TAF1D: variants seen among roughly 807,000 people sequenced by gnomAD.
TAF1D encodes TATA-box binding protein associated factor, RNA polymerase I subunit D.
Under a neutral mutation model 26.2 loss-of-function variants are expected in TAF1D, and 23 were observed. That is an observed-to-expected ratio of 0.88 (90% CI 0.63 to 1.25). The LOEUF is 1.25. Among genes scored for constraint, TAF1D ranks in the 50% most tolerant of loss-of-function variants. The probability of loss-of-function intolerance (pLI) is 0.00; values close to 1 mark genes in which losing one functional copy is unlikely to be tolerated. For synonymous variants in TAF1D, 100 were observed against 105.6 expected (o/e 0.95, Z 0.33); for missense variants, 299 against 322.0 (o/e 0.93, Z 0.55).
exon 12 of TAF1D, chr11:93,730,547 A>C: frequency 3.1e-6 from 2 of 642,488 alleles, no homozygotes; most frequent in Non-Finnish European, 2.9e-6. Flanking sequence ...AGCACCAAAC[A>C]TTAGGAGTGC....
At chr11:93,730,630 CCT>C, downstream of TAF1D, 1 of 556,968 alleles carries the variant, frequency 1.8e-6, no homozygotes, top group Middle Eastern at 5.6e-4. Flanking sequence ...CCTCATAAGC[CCT>C]CTTTGAAATG....
In TAF1D at chr11:93,735,667, T is replaced by TA. The variant is rs976394452; in HGVS notation, c.*493dup. On this transcript the variant is annotated 3_prime_UTR_variant, in exon 6 of 6. Coordinates refer to ENST00000448108, the MANE Select transcript of TAF1D (RefSeq NM_024116.4). The stretch of plus-strand genomic sequence containing the variant: ...CTGGGTGACAGATCGAGACTCTGTC[T>TA]AAAAAAAATAGTATTAAAGATACTC... The TA allele has an allele frequency of 1.4e-5, 14 of 996,040 alleles. No individual in the cohort carries two copies. Among genetic ancestry groups the TA allele is most frequent in the East Asian group, 1.1e-4 (1 of 9,068 alleles). 61.7% of individuals were successfully genotyped at this position (996,040 alleles called of 1,614,324 possible). A position where few individuals can be genotyped will look rare whatever the true frequency, so the allele number is the denominator to read the frequency against.
downstream of TAF1D, chr11:93,731,070 A>C: frequency 1.9e-6 from 1 of 518,918 alleles, no homozygotes; most frequent in Non-Finnish European, 3.8e-6. Flanking sequence ...CAAATGAGAA[A>C]CTGCATTCTA....
chr11:93,739,971 A>G (rs1941516347), intron 1 of TAF1D, among the ~76,000 whole-genome samples: 1 of 150,642 alleles, frequency 6.6e-6, no homozygotes. Context: ...CAAAAAAAAA[A>G]AAAAAAAAAA....
At chr11:93,739,961 C>CAAAAAAAAAAAAAA (rs67574108) in intron 1 of TAF1D, among the ~76,000 whole-genome samples, 1 of 82,408 alleles carries the variant, frequency 1.2e-5, no homozygotes, top group Non-Finnish European at 2.2e-5. Flanking sequence ...TACAACATAC[C>CAAAAAAAAAAAAAA]AAAAAAAAAA....
At chr11:93,739,529 C>A (rs113194195) in intron 1 of TAF1D, among the ~76,000 whole-genome samples, 198 bp from the exon 2 acceptor site, 7 of 152,252 alleles carry the variant, frequency 4.6e-5, no homozygotes, top group African/African-American at 1.7e-4. Flanking sequence ...TCAGTTGTTA[C>A]CCTCTAAATG....
chr11:93,732,319 T>TTAGAG (rs1469278911), downstream of TAF1D: 2 of 515,032 alleles, frequency 3.9e-6, no homozygotes, highest in African/African-American at 3.9e-5. Context: ...GCTTACTATT[T>TTAGAG]TAGAGTATAT....
At position 93,737,144 on chromosome 11, in the gene TAF1D, A is replaced by G; in HGVS notation, c.555T>C (p.Asp185=). Residue 185 remains aspartate, a synonymous_variant, in exon 4 of 6, where the codon GAT becomes GAC. Transcript: ENST00000448108. ...GACTGTCAAAATCTTCATTTTCTAA[A>G]TCTTCACCAACATTCATTTGCTTCA... ...ESLKQMNVGE[D]LENEDFDSRR... The G allele has an allele frequency of 1.2e-6, 2 of 1,612,482 alleles. No homozygotes were observed. The highest frequency in any genetic ancestry group is 1.1e-5 in the South Asian group (1 of 90,724).
In TAF1D at chr11:93,735,938, G is replaced by T; in HGVS notation, c.*223C>A. 7.7e-7 allele frequency: 1 copy of T among 1,300,360 alleles called. No individual in the cohort carries two copies. Among genetic ancestry groups the T allele is most frequent in the Non-Finnish European group, 9.7e-7 (1 of 1,027,624 alleles). 80.6% of individuals were successfully genotyped at this position (1,300,360 alleles called of 1,614,324 possible). On this transcript the variant is annotated 3_prime_UTR_variant, in exon 6 of 6. Coordinates refer to ENST00000448108, the MANE Select transcript of TAF1D (RefSeq NM_024116.4). ...ATGACAATTTCTCAAATTTTTCTAT[G>T]TATTTTCTCTGGTGTTTTAATGGTT...
At chr11:93,739,961 C>CAAAAAAAAAAA (rs67574108) in intron 1 of TAF1D, among the ~76,000 whole-genome samples, 3 of 82,404 alleles carry the variant, frequency 3.6e-5, no homozygotes, top group African/African-American at 1.1e-4. Flanking sequence ...TACAACATAC[C>CAAAAAAAAAAA]AAAAAAAAAA....
chr11:93,735,343 T>C (rs971697360), downstream of TAF1D: 3 of 1,128,490 alleles, frequency 2.7e-6, no homozygotes, highest in Non-Finnish European at 1.1e-6. Context: ...GTTGAATAAA[T>C]GTGTATGCCT....
At chr11:93,730,702 TC>T (rs1938466433), downstream of TAF1D, 1 of 515,940 alleles carries the variant, frequency 1.9e-6, no homozygotes, top group African/African-American at 1.9e-5. Context: ...GATCCAGTTG[TC>T]CTGTCAGCCC....
chr11:93,739,765 T>C (rs1941426706), intron 1 of TAF1D, among the ~76,000 whole-genome samples: 1 of 152,010 alleles, frequency 6.6e-6, no homozygotes, highest in Admixed American at 6.6e-5. Context: ...CAATAAACCA[T>C]TTTAAACTCC....
downstream of TAF1D, chr11:93,734,987 C>T: frequency 8.4e-7 from 1 of 1,183,656 alleles, no homozygotes. Context: ...TGGTCTTGAA[C>T]TCCTGGTTTC....
chr11:93,740,744 G>A (rs1298969035), intron 1 of TAF1D, among the ~76,000 whole-genome samples: 1 of 152,068 alleles, frequency 6.6e-6, no homozygotes, highest in Non-Finnish European at 1.5e-5. Flanking sequence ...GCTCAAAAAC[G>A]GAATTCAACA....
chr11:93,738,261 C>T lies in TAF1D; in HGVS notation c.307G>A (p.Gly103Arg), dbSNP rs1941182215. ...CCTTCTGGTCTTCCCCGTGGTCTTC[C>T]TGTTGGCTGGTACCTCCTCTTTTTC... is the stretch of plus-strand genomic sequence containing the variant. ...KKKKRRYQPT[G>R]RPRGRPEGRR... is the part of the protein sequence containing the mutation. Residue 103 changes from glycine to arginine, a missense_variant, in exon 3 of 6, where the codon GGA becomes AGA. Transcript: ENST00000448108. 6.2e-7 allele frequency: 1 copy of T among 1,612,504 alleles called. No homozygotes were observed. Among genetic ancestry groups the T allele is most frequent in the Admixed American group, 1.7e-5 (1 of 59,636 alleles).
In TAF1D at chr11:93,736,787, T is replaced by C. The variant is rs779814356; in HGVS notation, c.636-36A>G. 1.3e-5 allele frequency: 20 copies of C among 1,582,012 alleles called. No homozygotes were observed. The East Asian group carries it at 4.5e-4, about 36-fold the overall frequency. On this transcript the variant is annotated intron_variant, in intron 4 of 5. Coordinates refer to ENST00000448108, the MANE Select transcript of TAF1D (RefSeq NM_024116.4). ...AAAATTTATCATCGAGATGACAGAA[T>C]CTTCGATGACCTAATTAGTTGTATA...
chr11:93,733,184 C>A (rs748154828), downstream of TAF1D: 2 of 512,234 alleles, frequency 3.9e-6, no homozygotes, highest in Non-Finnish European at 7.8e-6. Flanking sequence ...AACTAAAACC[C>A]AAGTATAAAT....
chr11:93,738,701 T>TTA (rs1491080021), intron 2 of TAF1D, among the ~76,000 whole-genome samples: 2 of 152,126 alleles, frequency 1.3e-5, no homozygotes, highest in Non-Finnish European at 2.9e-5. Flanking sequence ...CTACAGCTCT[T>TTA]ATTAAAGAGT....
Sources: allele counts gnomAD v4.1 joint callset (sites outside exome capture counted in the v4.1 genomes callset), GRCh38; gene constraint gnomAD v4.1.1; transcripts MANE v1.5; gene names NCBI Gene and HGNC (gene_info 2026-07-23, HGNC 2026-07-21).